The following IPO9 variants were observed in gnomAD, a reference collection of about 807,000 sequenced individuals.
The protein encoded by IPO9 is importin-9.
In IPO9, 28 loss-of-function variants were observed where a neutral mutation model predicts 128.6. That is an observed-to-expected ratio of 0.22 (90% CI 0.16 to 0.30). The LOEUF (loss-of-function observed/expected upper bound fraction) is 0.30. IPO9 is among the 10% of genes least tolerant of loss of function. The probability of loss-of-function intolerance (pLI) is 1.00; values close to 1 mark genes in which losing one functional copy is unlikely to be tolerated. For synonymous variants in IPO9, 455 were observed against 475.8 expected, an observed-to-expected ratio of 0.96 and a Z score of 0.57; for missense variants, 935 against 1,293.9, an observed-to-expected ratio of 0.72 and a Z score of 4.26.
chr1:201,875,883 C>G, intron 23 of IPO9, 61 bp from the exon 24 acceptor site: 1 of 1,019,834 alleles, frequency 9.8e-7, no homozygotes, highest in Non-Finnish European at 1.5e-6. Flanking sequence ...GTGGTTCTTG[C>G]TCCACTGCAA....
At chr1:201,845,657 G>A (rs745852269) in intron 1 of IPO9, among the ~76,000 whole-genome samples, 27 of 152,152 alleles carry the variant, frequency 1.8e-4, no homozygotes, top group Non-Finnish European at 3.2e-4. Context: ...CATTTAACCT[G>A]ATATAGACAA....
intron 1 of IPO9, among the ~76,000 whole-genome samples, chr1:201,844,383 G>A (rs1046150910): frequency 3.3e-5 from 5 of 152,034 alleles, no homozygotes; most frequent in Non-Finnish European, 7.4e-5. Flanking sequence ...ATAACTGATC[G>A]ATATTCACCA....
Position 201,863,177 on chromosome 1 carries a change from G to A in IPO9, c.1469-271G>A, listed in dbSNP as rs577895743. ...ACCAGCCTGGCCAACATGGCAAAAC[G>A]CCATCTCTACTAAAAATACAAAAAA... On this transcript the variant is annotated intron_variant, in intron 13 of 23. Coordinates refer to ENST00000361565, the MANE Select transcript of IPO9 (RefSeq NM_018085.5). Among the ~76,000 whole-genome samples, 15 of 152,054 alleles carry A rather than the reference G, an allele frequency of 9.9e-5. No homozygotes were observed. The South Asian group carries it at 1.0e-3, about 11-fold the overall frequency.
intron 15 of IPO9, 35 bp from the exon 16 acceptor site, chr1:201,868,613 G>A: frequency 1.9e-6 from 3 of 1,595,996 alleles, no homozygotes; most frequent in Non-Finnish European, 2.6e-6. Context: ...CAGACCATCA[G>A]GCAGGGGGAT....
At chr1:201,854,430 A>G (rs1680281671) in intron 6 of IPO9, among the ~76,000 whole-genome samples, 165 bp from the exon 7 acceptor site, 1 of 152,236 alleles carries the variant, frequency 6.6e-6, no homozygotes, top group African/African-American at 2.4e-5. Context: ...AGGAAAAATG[A>G]AATCTTAGGT....
Position 201,871,977 on chromosome 1 carries a change from A to G in IPO9, c.2576+650A>G, listed in dbSNP as rs181118926. 1.2e-3 allele frequency among the ~76,000 whole-genome samples: 176 copies of G among 152,210 alleles called. 1 individual carries two copies. Among genetic ancestry groups the G allele is most frequent in the Admixed American group, 2.0e-3 (30 of 15,290 alleles). ...TGGCCAGGCACAGTGGCTCACACCT[A>G]TAATCCCAGCACTTTAGGAGGCTGA... On this transcript the variant is annotated intron_variant, in intron 19 of 23. Coordinates refer to ENST00000361565, the MANE Select transcript of IPO9 (RefSeq NM_018085.5).
At chr1:201,874,417 C>A in intron 21 of IPO9, 45 bp downstream of exon 21, 2 of 1,566,290 alleles carry the variant, frequency 1.3e-6, no homozygotes, top group South Asian at 1.2e-5. Flanking sequence ...CCTGGCAGAT[C>A]AAGTTACAAA....
intron 14 of IPO9, among the ~76,000 whole-genome samples, chr1:201,866,350 ATATT>A (rs1298838672): frequency 6.6e-6 from 1 of 152,188 alleles, no homozygotes; most frequent in Admixed American, 6.5e-5. Context: ...CATTCAGTAA[ATATT>A]TGTTGATTGA....
At chr1:201,847,747 A>G (rs774106543) in intron 3 of IPO9, 109 bp downstream of exon 3, 2 of 783,148 alleles carry the variant, frequency 2.6e-6, no homozygotes, top group Non-Finnish European at 4.4e-6. Flanking sequence ...ACTAGGCAGA[A>G]AAGGAGATTG....
rs539981948 is a variant in IPO9 at position 201,865,442 on chromosome 1, G to A, written c.1629-1291G>A. On this transcript the variant is annotated intron_variant, in intron 14 of 23. Coordinates refer to ENST00000361565, the MANE Select transcript of IPO9 (RefSeq NM_018085.5). ...AGGCTGGTTTCAAACTCCTGACCTC[G>A]GGTGATCCGCTCGCCCCCACCTCCC... Among the ~76,000 whole-genome samples the A allele has an allele frequency of 1.6e-4, 24 of 152,096 alleles. 1 individual carries two copies. Among genetic ancestry groups the A allele is most frequent in the Admixed American group, 9.2e-4 (14 of 15,280 alleles).
rs1240210285 is a variant in IPO9 at position 201,880,316 on chromosome 1, C to G, written c.*4262C>G. 6.6e-6 allele frequency: 1 copy of G among 152,156 alleles called. No homozygotes were observed. Among genetic ancestry groups the G allele is most frequent in the South Asian group, 2.1e-4 (1 of 4,836 alleles). The allele number at this position is 152,156 out of a possible 1,614,324, so 9.4% of individuals were successfully genotyped here. On this transcript the variant is annotated 3_prime_UTR_variant, in exon 24 of 24. Transcript: ENST00000361565. ...AGTGTGGAAGGTCCTTTCAGTCTTC[C>G]TGTGCCTATCAGTGATCCTCATTGC...
intron 7 of IPO9, 46 bp downstream of exon 7, chr1:201,854,760 T>C: frequency 6.2e-7 from 1 of 1,608,940 alleles, no homozygotes; most frequent in South Asian, 1.1e-5. Flanking sequence ...GAGGGGCTGG[T>C]CTGAAATCAT....
Position 201,843,222 on chromosome 1 carries a change from A to G in IPO9, c.164-4057A>G, listed in dbSNP as rs114161064. On this transcript the variant is annotated intron_variant, in intron 1 of 23. Transcript: ENST00000361565. ...ATAGCTGTATTAACTGTTAGCCCCA[A>G]TTTTGCTGGATGGGGTGAAGGCACA... Among the ~76,000 whole-genome samples, 969 of 152,300 alleles carry G rather than the reference A, an allele frequency of 6.4e-3. 10 individuals carry two copies. The highest frequency in any genetic ancestry group is 0.021 in the African/African-American group (872 of 41,566).
chr1:201,851,351 G>A (rs138109991), intron 4 of IPO9, among the ~76,000 whole-genome samples: 32 of 151,890 alleles, frequency 2.1e-4, no homozygotes, highest in African/African-American at 7.5e-4. Flanking sequence ...ACGTGGAAAA[G>A]CATCAGGTAA....
At chr1:201,855,986 TGAA>T in intron 10 of IPO9, 52 bp downstream of exon 10, 1 of 1,381,766 alleles carries the variant, frequency 7.2e-7, no homozygotes, top group Non-Finnish European at 9.9e-7. Context: ...AAGTGCAACT[TGAA>T]GAATATGAGG....
chr1:201,875,613 A>G (rs2102892133), intron 23 of IPO9, among the ~76,000 whole-genome samples: 1 of 151,934 alleles, frequency 6.6e-6, no homozygotes, highest in South Asian at 2.1e-4. Flanking sequence ...AAATCCATTT[A>G]TAATTTAACA....
rs1019700515 is a variant in IPO9, at chr1:201,880,183, T to C, written c.*4129T>C. On this transcript the variant is annotated 3_prime_UTR_variant, in exon 24 of 24. Coordinates refer to ENST00000361565, the MANE Select transcript of IPO9 (RefSeq NM_018085.5). Reference sequence around the variant, plus strand: ...GGCAATGTGGCAATACCTTGTCTCTTAAAATTTAAAATAAAAAAAAAGTTT... The same window carrying C: ...GGCAATGTGGCAATACCTTGTCTCTCAAAATTTAAAATAAAAAAAAAGTTT... The C allele has an allele frequency of 3.3e-5, 5 of 152,144 alleles. No individual in the cohort carries two copies. Among genetic ancestry groups the C allele is most frequent in the Admixed American group, 3.3e-4 (5 of 15,268 alleles). The allele number at this position is 152,144 out of a possible 1,614,324, so 9.4% of individuals were successfully genotyped here.
intron 14 of IPO9, among the ~76,000 whole-genome samples, chr1:201,864,317 C>T (rs936986941): frequency 6.6e-6 from 1 of 152,132 alleles, no homozygotes; most frequent in Non-Finnish European, 1.5e-5. Flanking sequence ...ATGTTATGAC[C>T]ATAAACACCG....
chr1:201,858,501 A>G lies in IPO9; in HGVS notation c.1276A>G (p.Thr426Ala). 3 of 1,599,090 alleles carry G rather than the reference A, an allele frequency of 1.9e-6. No individual in the cohort carries two copies. Among genetic ancestry groups the G allele is most frequent in the African/African-American group, 1.3e-5 (1 of 74,126 alleles). Residue 426 changes from threonine to alanine, a missense_variant, in exon 12 of 24, where the codon ACT (threonine) becomes GCT (alanine). This residue lies in a region of IPO9 where 741 missense variants were observed against 1,019.1 expected (regional missense o/e 0.73). Transcript: ENST00000361565. ...TGCAGCAGCCCTGGCTGCTGCAGCCACTCGACATTTACAAGAAGCTGAGCA... is the reference window on the plus strand; with the variant it reads ...TGCAGCAGCCCTGGCTGCTGCAGCCGCTCGACATTTACAAGAAGCTGAGCA... The part of the protein sequence containing the change: ...ESAAALAAAA[T>A]RHLQEAEQTK...
Sources: allele counts gnomAD v4.1 joint callset (sites outside exome capture counted in the v4.1 genomes callset), GRCh38; gene constraint gnomAD v4.1.1; regional missense constraint gnomAD v4.1.1; transcripts MANE v1.5; gene names NCBI Gene and HGNC (gene_info 2026-07-23, HGNC 2026-07-21).